Variants in MTA3 observed in about 807,000 individuals in gnomAD.
MTA3 encodes metastasis-associated protein MTA3.
MTA3 carries 34 observed loss-of-function variants against 83.5 expected under a neutral mutation model. That is an observed-to-expected ratio of 0.41 (90% CI 0.31 to 0.54). The LOEUF (loss-of-function observed/expected upper bound fraction) is 0.54. MTA3 is among the 20% of genes least tolerant of loss of function. The pLI, the probability that MTA3 is intolerant of heterozygous loss-of-function variation, is 0.33. For synonymous variants in MTA3, 303 were observed against 252.7 expected (o/e 1.20, Z -1.89); for missense variants, 761 against 726.4 (o/e 1.05, Z -0.55).
At chr2:42,575,869 C>T (rs888306772) in intron 2 of MTA3, among the ~76,000 whole-genome samples, 1 of 152,116 alleles carries the variant, frequency 6.6e-6, no homozygotes, top group Non-Finnish European at 1.5e-5. Context: ...CTCATCCATC[C>T]TCACCTCCTC....
chr2:42,730,361 A>G (rs1159751941), intron 16 of MTA3, among the ~76,000 whole-genome samples: 1 of 152,170 alleles, frequency 6.6e-6, no homozygotes, highest in East Asian at 1.9e-4. Context: ...TCTGTTATAT[A>G]TGGCTTTTAT....
chr2:42,531,906 G>A (rs1027538082), intron 2 of MTA3, among the ~76,000 whole-genome samples: 21 of 152,190 alleles, frequency 1.4e-4, no homozygotes, highest in Admixed American at 2.6e-4. Flanking sequence ...ACAGGTGCCT[G>A]CCACCACACC....
At chr2:42,724,277 AACACACAC>A (rs34379999) in intron 16 of MTA3, among the ~76,000 whole-genome samples, 89 of 73,180 alleles carry the variant, frequency 1.2e-3, no homozygotes, top group African/African-American at 2.7e-3. Flanking sequence ...AGTCCTGAAA[AACACACAC>A]ACACACACAC....
chr2:42,607,893 G>A (rs1370793538), intron 3 of MTA3, among the ~76,000 whole-genome samples: 2 of 152,240 alleles, frequency 1.3e-5, no homozygotes, highest in Non-Finnish European at 2.9e-5. Context: ...GGAGGTTGCA[G>A]TGAGCCGAGA....
intron 2 of MTA3, among the ~76,000 whole-genome samples, chr2:42,542,929 C>T (rs995273627): frequency 1.2e-4 from 18 of 152,022 alleles, no homozygotes; most frequent in African/African-American, 4.3e-4. Flanking sequence ...TTCATACAAC[C>T]AGAAACACAT....
At chr2:42,540,509 A>AT (rs1271945656) in intron 2 of MTA3, among the ~76,000 whole-genome samples, 1 of 152,006 alleles carries the variant, frequency 6.6e-6, no homozygotes, top group African/African-American at 2.4e-5. Context: ...ATCTGTCTAT[A>AT]TTTTGAAAAA....
At chr2:42,738,208 G>A (rs1668749355) in intron 16 of MTA3, among the ~76,000 whole-genome samples, 1 of 152,178 alleles carries the variant, frequency 6.6e-6, no homozygotes, top group African/African-American at 2.4e-5. Context: ...GCTGCAGTGA[G>A]CCAAGATTGC....
At chr2:42,494,230 G>A (rs531523507), upstream of MTA3, 836 of 152,232 alleles carry the variant, frequency 5.5e-3, 1 homozygote, top group Non-Finnish European at 8.9e-3. Flanking sequence ...TAGTGGCGGG[G>A]AGGGGTCCGC....
At chr2:42,532,849 G>T (rs1026536035) in intron 2 of MTA3, 6 of 380,766 alleles carry the variant, frequency 1.6e-5, no homozygotes, top group African/African-American at 8.6e-5. Context: ...GGTGGAGCTG[G>T]CTGGCACTTC....
At chr2:42,531,007 T>G (rs924131416) in intron 2 of MTA3, among the ~76,000 whole-genome samples, 1 of 152,086 alleles carries the variant, frequency 6.6e-6, no homozygotes, top group Non-Finnish European at 1.5e-5. Flanking sequence ...TTTTTGTATT[T>G]TTAGTAGAGA....
chr2:42,534,281 T>C (rs1378077092), intron 2 of MTA3, among the ~76,000 whole-genome samples: 3 of 152,098 alleles, frequency 2.0e-5, no homozygotes, highest in East Asian at 1.9e-4. Context: ...CCTAGGTTGT[T>C]TGATGGAAGA....
intron 3 of MTA3, among the ~76,000 whole-genome samples, chr2:42,585,674 G>A (rs954478536): frequency 4.6e-5 from 7 of 151,456 alleles, no homozygotes; most frequent in Non-Finnish European, 1.0e-4. Context: ...GGGTTTCACC[G>A]TGTTGGCCAG....
intron 4 of MTA3, among the ~76,000 whole-genome samples, chr2:42,622,188 C>T (rs1352297187): frequency 2.0e-5 from 3 of 152,172 alleles, no homozygotes; most frequent in East Asian, 1.9e-4. Flanking sequence ...AGATCACTCG[C>T]GGTTAGGAGC....
intron 2 of MTA3, among the ~76,000 whole-genome samples, chr2:42,516,544 T>C (rs75196801): frequency 0.011 from 1,600 of 152,306 alleles, 23 homozygotes; most frequent in African/African-American, 0.037. Context: ...GCAACTGTTA[T>C]AGTTTTATTG....
At chr2:42,529,742 A>G (rs976962937) in intron 2 of MTA3, among the ~76,000 whole-genome samples, 15 of 152,176 alleles carry the variant, frequency 9.9e-5, no homozygotes, top group Non-Finnish European at 1.8e-4. Flanking sequence ...CCTGCCCTAC[A>G]ACTGAAGTTG....
intron 8 of MTA3, among the ~76,000 whole-genome samples, chr2:42,671,824 C>A (rs913867840): frequency 6.6e-6 from 1 of 152,124 alleles, no homozygotes; most frequent in Non-Finnish European, 1.5e-5. Flanking sequence ...TAGGATCCTC[C>A]CCAGTATTTT....
intron 2 of MTA3, among the ~76,000 whole-genome samples, chr2:42,507,963 A>G (rs1302864607): frequency 1.3e-5 from 2 of 151,606 alleles, no homozygotes; most frequent in African/African-American, 4.8e-5. Context: ...AAAAAGAAAG[A>G]AAGAAACCTA....
At chr2:42,623,697 A>G (rs1435913235) in intron 4 of MTA3, among the ~76,000 whole-genome samples, 3 of 128,180 alleles carry the variant, frequency 2.3e-5, no homozygotes, top group Non-Finnish European at 4.9e-5. Flanking sequence ...GGTAGTTCAG[A>G]TTTTTTTTTT....
intron 2 of MTA3, among the ~76,000 whole-genome samples, chr2:42,498,419 G>A (rs1159885093): frequency 6.6e-6 from 1 of 152,208 alleles, no homozygotes; most frequent in Non-Finnish European, 1.5e-5. Flanking sequence ...GGAAGAGAAA[G>A]TCTCCGGTGT....
Sources: allele counts gnomAD v4.1 joint callset (sites outside exome capture counted in the v4.1 genomes callset), GRCh38; gene constraint gnomAD v4.1.1; transcripts MANE v1.5; gene names NCBI Gene and HGNC (gene_info 2026-07-23, HGNC 2026-07-21).